ANKRD44: variants seen among roughly 807,000 people sequenced by gnomAD.
ANKRD44 encodes serine/threonine-protein phosphatase 6 regulatory ankyrin repeat subunit B.
A neutral mutation model predicts 116.0 loss-of-function variants in ANKRD44; 35 were observed. That is an observed-to-expected ratio of 0.30 (90% CI 0.23 to 0.40). The LOEUF is 0.40. Ranked by LOEUF, ANKRD44 falls within the 10% of genes least tolerant of loss-of-function variation. The pLI is 1.00. For missense variants in ANKRD44, 1,014 were observed against 1,242.6 expected (o/e 0.82, Z 2.77); for synonymous variants, 435 against 461.8 (o/e 0.94, Z 0.74).
intron 1 of ANKRD44, among the ~76,000 whole-genome samples, chr2:197,305,969 A>ATATATT: frequency 7.5e-6 from 1 of 132,478 alleles, no homozygotes; most frequent in East Asian, 2.0e-4. Flanking sequence ...AGTTCGTTTT[A>ATATATT]TATATATATA....
intron 1 of ANKRD44, among the ~76,000 whole-genome samples, chr2:197,244,844 A>G (rs1465760652): frequency 6.6e-6 from 1 of 152,256 alleles, no homozygotes; most frequent in Non-Finnish European, 1.5e-5. Context: ...AAGCATGTGT[A>G]TAAGTGGGTG....
intron 2 of ANKRD44, among the ~76,000 whole-genome samples, chr2:197,169,725 T>C (rs1326577689): frequency 6.6e-6 from 1 of 152,038 alleles, no homozygotes; most frequent in Non-Finnish European, 1.5e-5. Context: ...GCTCTGAGGG[T>C]AAAGCCCATC....
rs79164523 is a variant in ANKRD44, at chr2:197,014,121, A to G, written c.1723-409T>C. 3.3e-3 allele frequency among the ~76,000 whole-genome samples: 505 copies of G among 152,354 alleles called. 4 individuals are homozygous for G. Among genetic ancestry groups the G allele is most frequent in the African/African-American group, 0.012 (488 of 41,586 alleles). On this transcript the variant is annotated intron_variant, in intron 17 of 27. Transcript: ENST00000282272. ...TTTTTTTCCAGGAGTCTTTTCTGAT[A>G]ACAAACCTGGGGGAAAAATTACTAA... is the stretch of plus-strand genomic sequence containing the variant.
At chr2:196,984,597 T>G (rs1327276000), downstream of ANKRD44, among the ~76,000 whole-genome samples, 1 of 152,224 alleles carries the variant, frequency 6.6e-6, no homozygotes, top group Admixed American at 6.5e-5. Flanking sequence ...GGAATTAGCG[T>G]GAAGGAACCT....
chr2:197,057,832 TG>T (rs2077233339), intron 16 of ANKRD44, among the ~76,000 whole-genome samples: 1 of 152,206 alleles, frequency 6.6e-6, no homozygotes, highest in African/African-American at 2.4e-5. Flanking sequence ...CACTCTAGCC[TG>T]GGTGATAGAG....
chr2:197,276,779 T>A (rs962898889), intron 1 of ANKRD44, among the ~76,000 whole-genome samples: 1 of 152,122 alleles, frequency 6.6e-6, no homozygotes, highest in African/African-American at 2.4e-5. Context: ...TTTGATAAGG[T>A]TGGAAACCAC....
intron 13 of ANKRD44, among the ~76,000 whole-genome samples, chr2:197,083,941 T>C (rs1466193840): frequency 1.3e-5 from 2 of 152,202 alleles, no homozygotes; most frequent in Non-Finnish European, 2.9e-5. Context: ...TCCTAGAGCC[T>C]ACCCTAGTTC....
downstream of ANKRD44, among the ~76,000 whole-genome samples, chr2:196,984,289 C>A (rs2075822233): frequency 6.6e-6 from 1 of 152,040 alleles, no homozygotes; most frequent in Non-Finnish European, 1.5e-5. Flanking sequence ...TAGTAGCAGC[C>A]CTGCCCACCC....
intron 1 of ANKRD44, among the ~76,000 whole-genome samples, chr2:197,208,018 G>A (rs761161022): frequency 3.7e-4 from 56 of 152,110 alleles, no homozygotes; most frequent in Non-Finnish European, 2.8e-4. Context: ...TTGGGCTGTT[G>A]GTTTTATCGT....
chr2:197,168,899 C>T (rs1466846623), intron 2 of ANKRD44, among the ~76,000 whole-genome samples: 2 of 152,164 alleles, frequency 1.3e-5, no homozygotes, highest in Non-Finnish European at 2.9e-5. Flanking sequence ...TCTGCCCTGA[C>T]CCCAACTATG....
chr2:197,008,285 C>T (rs1178729118), intron 19 of ANKRD44, among the ~76,000 whole-genome samples: 2 of 152,150 alleles, frequency 1.3e-5, no homozygotes, highest in African/African-American at 4.8e-5. Flanking sequence ...AGCAGCTCTA[C>T]TTTGTAGTAT....
chr2:197,013,543 T>C lies in ANKRD44; in HGVS notation c.1892A>G (p.Asn631Ser), dbSNP rs376445875. 79 of 1,614,098 alleles carry C rather than the reference T, an allele frequency of 4.9e-5. 1 individual carries two copies. In the Middle Eastern group the frequency reaches 6.6e-4, roughly 13 times the overall value. The change falls in exon 18 of 28, where the codon AAT becomes AGT. Residue 631 changes from asparagine to serine, a missense_variant. Asn to Ser is a conservative substitution (Grantham distance 46, BLOSUM62 1). Transcript: ENST00000282272. ...NQGASIFVKD[N>S]VTKRTPLHAS... is the part of the protein sequence containing the mutation. The stretch of plus-strand genomic sequence containing the variant: ...ATGAAGTGGGGTTCTTTTGGTTACA[T>C]TGTCTTTCACAAAGATGGATGCGCC...
At position 197,099,797 on chromosome 2, in the gene ANKRD44, T is replaced by C; in HGVS notation, c.1100+19A>G. 2 of 1,613,598 alleles carry C rather than the reference T, an allele frequency of 1.2e-6. No homozygotes were observed. The highest frequency in any genetic ancestry group is 2.2e-5 in the East Asian group (1 of 44,876). ...CCCACTTGAGGCAATTATTCCACCG[T>C]ATTTTTGCGGTAACCTACTTGGCTG... On this transcript the variant is annotated intron_variant, in intron 10 of 27. Transcript: ENST00000282272.
chr2:196,996,060 G>T (rs1385755508), intron 25 of ANKRD44, among the ~76,000 whole-genome samples: 2 of 152,206 alleles, frequency 1.3e-5, no homozygotes, highest in Admixed American at 6.5e-5. Context: ...ATGAGTCAGA[G>T]ACTCTTACAA....
At chr2:196,990,414 T>A (rs1472429722) in intron 27 of ANKRD44, 1 of 1,117,634 alleles carries the variant, frequency 8.9e-7, no homozygotes, top group Non-Finnish European at 1.1e-6. Flanking sequence ...ATTAAATACA[T>A]CTTTTATTCT....
At chr2:197,274,002 T>TCTATATATAG (rs1559208582) in intron 1 of ANKRD44, among the ~76,000 whole-genome samples, 3 of 64,918 alleles carry the variant, frequency 4.6e-5, no homozygotes, top group East Asian at 3.5e-4. Flanking sequence ...TATATATATA[T>TCTATATATAG]ATATATATAT....
At chr2:197,126,984 T>C (rs533827058) in intron 4 of ANKRD44, among the ~76,000 whole-genome samples, 11 of 151,150 alleles carry the variant, frequency 7.3e-5, no homozygotes, top group Admixed American at 2.0e-4. Flanking sequence ...CAAGACCCTG[T>C]CTCAAAAAAA....
intron 1 of ANKRD44, among the ~76,000 whole-genome samples, chr2:197,271,381 T>G (rs1163589453): frequency 2.0e-5 from 3 of 152,142 alleles, no homozygotes; most frequent in Non-Finnish European, 4.4e-5. Context: ...ATGCAGAGAG[T>G]GGGCCCTCAG....
intron 21 of ANKRD44, among the ~76,000 whole-genome samples, chr2:197,002,645 A>T (rs1235041463): frequency 5.3e-5 from 8 of 152,216 alleles, no homozygotes; most frequent in Non-Finnish European, 8.8e-5. Flanking sequence ...CAATTGTAAG[A>T]CAGATCTTGC....
Sources: allele counts gnomAD v4.1 joint callset (sites outside exome capture counted in the v4.1 genomes callset), GRCh38; gene constraint gnomAD v4.1.1; transcripts MANE v1.5; gene names NCBI Gene and HGNC (gene_info 2026-07-23, HGNC 2026-07-21).